ZFAND3: variants seen among roughly 807,000 people sequenced by gnomAD.
ZFAND3 encodes zinc finger AN1-type containing 3.
Under a neutral mutation model 29.6 loss-of-function variants are expected in ZFAND3, and 10 were observed. The ratio of observed to expected loss-of-function variants is 0.34; its 90% CI spans 0.21 to 0.57. The LOEUF is 0.57. ZFAND3 is among the 20% of genes least tolerant of loss of function. The pLI, the probability that ZFAND3 is intolerant of heterozygous loss-of-function variation, is 0.86. For synonymous variants in ZFAND3, 128 were observed against 112.6 expected (o/e 1.14, Z -0.87); for missense variants, 230 against 304.5 (o/e 0.76, Z 1.82).
intron 1 of ZFAND3, among the ~76,000 whole-genome samples, chr6:37,925,670 C>T (rs1437014179): frequency 6.7e-6 from 1 of 148,916 alleles, no homozygotes; most frequent in Non-Finnish European, 1.5e-5. Context: ...TGCTCCTGCA[C>T]TCCAGCCTGG....
intron 1 of ZFAND3, among the ~76,000 whole-genome samples, chr6:37,891,376 GAC>G (rs1561924000): frequency 6.8e-6 from 1 of 146,154 alleles, no homozygotes; most frequent in Non-Finnish European, 1.5e-5. Flanking sequence ...AAGCAAAACT[GAC>G]AGAAATGGAT....
At position 38,132,482 on chromosome 6, in the gene ZFAND3, G is replaced by T. The variant is rs186658238; in HGVS notation, c.529+15743G>T. 3.0e-4 allele frequency among the ~76,000 whole-genome samples: 46 copies of T among 152,352 alleles called. 1 individual carries two copies. The highest frequency in any genetic ancestry group is 1.0e-3 in the African/African-American group (43 of 41,580). On this transcript the variant is annotated intron_variant, in intron 5 of 5. Transcript: ENST00000287218. ...TGATCATGTCCCTGCACTCCAGCCA[G>T]GGTAACAGAGTGAGACCCTGTCTCA...
chr6:37,934,497 C>T (rs1445094135), intron 2 of ZFAND3, among the ~76,000 whole-genome samples: 3 of 144,276 alleles, frequency 2.1e-5, no homozygotes, highest in African/African-American at 7.7e-5. Flanking sequence ...TGCTCATCTA[C>T]ATTCTCTTTA....
chr6:37,947,407 C>T (rs1363944269), intron 2 of ZFAND3, among the ~76,000 whole-genome samples: 1 of 152,070 alleles, frequency 6.6e-6, no homozygotes, highest in Non-Finnish European at 1.5e-5. Flanking sequence ...AGATTTTGGA[C>T]AAGCTACTTT....
At chr6:37,902,737 C>CTTTTTTTTTT (rs11448512) in intron 1 of ZFAND3, among the ~76,000 whole-genome samples, 4 of 100,414 alleles carry the variant, frequency 4.0e-5, no homozygotes, top group Non-Finnish European at 7.4e-5. Flanking sequence ...CTTTTACTTA[C>CTTTTTTTTTT]TTTTTTTTTT....
At chr6:37,963,634 C>T (rs1433505933) in intron 2 of ZFAND3, among the ~76,000 whole-genome samples, 1 of 151,964 alleles carries the variant, frequency 6.6e-6, no homozygotes, top group African/African-American at 2.4e-5. Context: ...GTTTCTAGTT[C>T]TTCAGCTTCC....
intron 2 of ZFAND3, among the ~76,000 whole-genome samples, chr6:37,934,583 G>C (rs1761661342): frequency 6.7e-6 from 1 of 149,142 alleles, no homozygotes; most frequent in Non-Finnish European, 1.5e-5. Context: ...TGTAATCCCA[G>C]GACTTTGGGA....
At chr6:37,836,844 A>G (rs1763977627) in intron 1 of ZFAND3, among the ~76,000 whole-genome samples, 1 of 152,184 alleles carries the variant, frequency 6.6e-6, no homozygotes, top group Admixed American at 6.5e-5. Context: ...CTGGCAGACA[A>G]GATTGCGTTC....
At chr6:37,873,039 A>T (rs2127388721) in intron 1 of ZFAND3, among the ~76,000 whole-genome samples, 1 of 152,332 alleles carries the variant, frequency 6.6e-6, no homozygotes, top group East Asian at 1.9e-4. Flanking sequence ...TGGGTGGATC[A>T]CGAGGTCAGG....
At chr6:37,927,587 A>G (rs974342875) in intron 1 of ZFAND3, among the ~76,000 whole-genome samples, 3 of 152,240 alleles carry the variant, frequency 2.0e-5, no homozygotes, top group Non-Finnish European at 4.4e-5. Flanking sequence ...TCAGTTAGTT[A>G]AAACAGGCAT....
At chr6:37,962,876 AC>A (rs1762223001) in intron 2 of ZFAND3, among the ~76,000 whole-genome samples, 1 of 152,246 alleles carries the variant, frequency 6.6e-6, no homozygotes, top group African/African-American at 2.4e-5. Flanking sequence ...TGTAACACTT[AC>A]TGTGAATGTC....
intron 2 of ZFAND3, among the ~76,000 whole-genome samples, chr6:37,941,750 A>T (rs1451200642): frequency 1.3e-5 from 2 of 152,202 alleles, no homozygotes; most frequent in Admixed American, 1.3e-4. Context: ...TGCAACCTGC[A>T]GATTTCATTT....
chr6:37,950,631 G>A (rs530813298), intron 2 of ZFAND3, among the ~76,000 whole-genome samples: 3 of 151,946 alleles, frequency 2.0e-5, no homozygotes, highest in South Asian at 2.1e-4. Context: ...CACCCACCTC[G>A]GCCTCCCAAA....
intron 2 of ZFAND3, among the ~76,000 whole-genome samples, chr6:37,977,868 CT>C (rs375647836): frequency 3.5e-3 from 432 of 124,432 alleles, no homozygotes; most frequent in Non-Finnish European, 4.7e-3. Context: ...TCCTTCCTTC[CT>C]TTCCTTCTTC....
intron 1 of ZFAND3, among the ~76,000 whole-genome samples, chr6:37,844,264 CCTTGTCTTTCTTTCCTTCTCTGTCTTT>C (rs1422814626): frequency 2.0e-5 from 3 of 150,478 alleles, no homozygotes; most frequent in Non-Finnish European, 4.4e-5. Context: ...TTCTGTCTTT[CCTTGTCTTTCTTTCCTTCTCTGTCTTT>C]CTTGTCTTTC....
At chr6:38,098,450 A>G (rs1389225435) in intron 4 of ZFAND3, among the ~76,000 whole-genome samples, 1 of 151,242 alleles carries the variant, frequency 6.6e-6, no homozygotes, top group Admixed American at 6.6e-5. Context: ...GTGCCTGGCC[A>G]GAAGTTTAAC....
At chr6:37,820,227 C>T (rs1374456683) in intron 1 of ZFAND3, among the ~76,000 whole-genome samples, 3 of 152,020 alleles carry the variant, frequency 2.0e-5, no homozygotes, top group African/African-American at 7.2e-5. Flanking sequence ...GGGTGCGTTG[C>T]TACCCTTTGG....
At chr6:38,142,184 T>C (rs1765971212) in intron 5 of ZFAND3, 2 of 471,150 alleles carry the variant, frequency 4.2e-6, no homozygotes, top group South Asian at 3.1e-5. Context: ...CTCATCTTCA[T>C]ACTCCCTGTG....
chr6:38,137,454 C>A (rs955486219), intron 5 of ZFAND3, among the ~76,000 whole-genome samples: 5 of 152,158 alleles, frequency 3.3e-5, no homozygotes, highest in African/African-American at 1.2e-4. Flanking sequence ...CAATATGTTT[C>A]TATTTTTAAT....
Sources: allele counts gnomAD v4.1 joint callset (sites outside exome capture counted in the v4.1 genomes callset), GRCh38; gene constraint gnomAD v4.1.1; transcripts MANE v1.5; gene names NCBI Gene and HGNC (gene_info 2026-07-23, HGNC 2026-07-21).